Variants in GPC6 observed in about 807,000 individuals in gnomAD.
The protein encoded by GPC6 is glypican-6.
Under a neutral mutation model 55.2 loss-of-function variants are expected in GPC6, and 14 were observed. The ratio of observed to expected loss-of-function variants is 0.25; its 90% CI spans 0.17 to 0.40. GPC6 has a LOEUF of 0.40. GPC6 is among the 10% of genes least tolerant of loss of function. The pLI is 1.00. For missense variants in GPC6, 641 were observed against 708.5 expected, an observed-to-expected ratio of 0.90 and a Z score of 1.08; for synonymous variants, 278 against 259.6, an observed-to-expected ratio of 1.07 and a Z score of -0.68.
At chr13:93,968,665 A>G (rs1700645894) in intron 3 of GPC6, among the ~76,000 whole-genome samples, 1 of 152,176 alleles carries the variant, frequency 6.6e-6, no homozygotes, top group African/African-American at 2.4e-5. Context: ...AAAATTTCAA[A>G]TTAAAAACCT....
At position 93,482,639 on chromosome 13, in the gene GPC6, A is replaced by G. The variant is rs569839730; in HGVS notation, c.161-62624A>G. On this transcript the variant is annotated intron_variant, in intron 1 of 8. Transcript: ENST00000377047. ...TTAATGGGTAAGAAATCTCTTGCTC[A>G]GGAATAGAAGGCAAAACCACAGAAA... 5.9e-5 allele frequency among the ~76,000 whole-genome samples: 9 copies of G among 152,282 alleles called. No homozygotes were observed. In the East Asian group the frequency reaches 1.2e-3, roughly 20 times the overall value.
At chr13:93,765,310 T>TAAGCTGTCTGGAAAGCAAAC (rs1361108806) in intron 2 of GPC6, among the ~76,000 whole-genome samples, 1 of 38,418 alleles carries the variant, frequency 2.6e-5, no homozygotes, top group Non-Finnish European at 5.4e-5. Flanking sequence ...AGACAACTTA[T>TAAGCTGTCTGGAAAGCAAAC]TTGGTTTAAG....
intron 1 of GPC6, among the ~76,000 whole-genome samples, chr13:93,532,771 G>A (rs576253142): frequency 6.6e-6 from 1 of 152,246 alleles, no homozygotes; most frequent in South Asian, 2.1e-4. Context: ...GAACTAAGAA[G>A]TTTCTTCTGT....
intron 2 of GPC6, among the ~76,000 whole-genome samples, chr13:93,728,798 C>T (rs1238905836): frequency 6.6e-6 from 1 of 152,052 alleles, no homozygotes; most frequent in Non-Finnish European, 1.5e-5. Context: ...AACTCCTGAC[C>T]TCAGGTGTAT....
chr13:93,223,178 A>C (rs1875667124), upstream of GPC6, among the ~76,000 whole-genome samples: 1 of 151,994 alleles, frequency 6.6e-6, no homozygotes, highest in Non-Finnish European at 1.5e-5. Context: ...AGAAGCAAAA[A>C]AGAAAGGGCG....
chr13:93,727,341 G>A (rs994224744), intron 2 of GPC6, among the ~76,000 whole-genome samples: 1 of 152,110 alleles, frequency 6.6e-6, no homozygotes, highest in Non-Finnish European at 1.5e-5. Flanking sequence ...CTTTCTGTCT[G>A]TAATTCTTCT....
intron 1 of GPC6, among the ~76,000 whole-genome samples, chr13:93,462,651 A>G (rs1036624578): frequency 3.9e-5 from 6 of 151,956 alleles, no homozygotes; most frequent in Non-Finnish European, 5.9e-5. Context: ...AAAAAAAACA[A>G]CTAAGGAATA....
chr13:93,459,310 C>T lies in GPC6; in HGVS notation c.161-85953C>T, dbSNP rs148891133. On this transcript the variant is annotated intron_variant, in intron 1 of 8. Transcript: ENST00000377047. ...CAAACTCCTGGCTTCAAACAGTCCTCCCACCTTGACTTCCCAAAGTTCTGG... is the reference window on the plus strand; with the variant it reads ...CAAACTCCTGGCTTCAAACAGTCCTTCCACCTTGACTTCCCAAAGTTCTGG... Among the ~76,000 whole-genome samples, 118 of 152,348 alleles carry T rather than the reference C, an allele frequency of 7.7e-4. No homozygotes were observed. The East Asian group carries it at 0.014, about 18-fold the overall frequency.
At chr13:94,212,319 C>A (rs1890103923) in intron 4 of GPC6, among the ~76,000 whole-genome samples, 1 of 152,116 alleles carries the variant, frequency 6.6e-6, no homozygotes, top group Admixed American at 6.6e-5. Context: ...AACCCCTAGC[C>A]AAGAGTACTT....
In GPC6 at chr13:93,319,878, A is replaced by G. The variant is rs147642757; in HGVS notation, c.160+92262A>G. Among the ~76,000 whole-genome samples the G allele has an allele frequency of 1.1e-4, 17 of 152,242 alleles. No homozygotes were observed. In the East Asian group the frequency reaches 3.1e-3, roughly 28 times the overall value. On this transcript the variant is annotated intron_variant, in intron 1 of 8. Transcript: ENST00000377047. ...CAACATATGAAGGATTAAGAATCCA[A>G]GTGACATAGGATATACATGGAGCAT...
At chr13:94,352,518 A>T (rs929315870) in intron 6 of GPC6, among the ~76,000 whole-genome samples, 22 of 152,142 alleles carry the variant, frequency 1.4e-4, no homozygotes, top group Admixed American at 1.4e-3. Flanking sequence ...GGGCTTCCTC[A>T]CTGTGAGGTT....
chr13:93,444,643 T>C (rs1262667931), intron 1 of GPC6, among the ~76,000 whole-genome samples: 1 of 152,274 alleles, frequency 6.6e-6, no homozygotes, highest in East Asian at 1.9e-4. Context: ...AAACATGCCA[T>C]GCATGTAAAG....
intron 1 of GPC6, among the ~76,000 whole-genome samples, chr13:93,262,740 C>A (rs1877193024): frequency 6.6e-6 from 1 of 152,066 alleles, no homozygotes; most frequent in African/African-American, 2.4e-5. Flanking sequence ...CATTTTATTC[C>A]ACTGTACAAA....
At chr13:94,180,298 C>T (rs1566508728) in intron 4 of GPC6, among the ~76,000 whole-genome samples, 2 of 152,194 alleles carry the variant, frequency 1.3e-5, no homozygotes, top group Admixed American at 6.5e-5. Flanking sequence ...CTCCTTAAGA[C>T]ATACGTTCTT....
At chr13:93,471,519 T>TA (rs1879115173) in intron 1 of GPC6, among the ~76,000 whole-genome samples, 1 of 152,082 alleles carries the variant, frequency 6.6e-6, no homozygotes, top group Non-Finnish European at 1.5e-5. Flanking sequence ...AGACTCCATC[T>TA]CAAAAGAAAA....
At chr13:93,430,295 G>T (rs1434837075) in intron 1 of GPC6, among the ~76,000 whole-genome samples, 1 of 151,676 alleles carries the variant, frequency 6.6e-6, no homozygotes, top group East Asian at 1.9e-4. Context: ...TAAGAATAGA[G>T]AGAGTTCCTT....
At chr13:94,388,459 G>A (rs1428308163) in intron 7 of GPC6, among the ~76,000 whole-genome samples, 1 of 152,202 alleles carries the variant, frequency 6.6e-6, no homozygotes, top group Non-Finnish European at 1.5e-5. Flanking sequence ...AGAATTTTAA[G>A]TTAGAAATAC....
At position 94,385,417 on chromosome 13, in the gene GPC6, AG is replaced by A. The variant is rs1233618470; in HGVS notation, c.1289+2868del. ...GGAAAAAGATTTAAATTTCATCCTG[AG>A]ATCAATGGGAAGCCATTGGAAGATT... On this transcript the variant is annotated intron_variant, in intron 7 of 8. Coordinates refer to ENST00000377047, the MANE Select transcript of GPC6 (RefSeq NM_005708.5). Among the ~76,000 whole-genome samples the A allele has an allele frequency of 8.5e-5, 13 of 152,356 alleles. No individual in the cohort carries two copies. The South Asian group carries it at 1.4e-3, about 17-fold the overall frequency.
At chr13:93,947,275 C>G (rs1879051039) in intron 3 of GPC6, among the ~76,000 whole-genome samples, 2 of 152,116 alleles carry the variant, frequency 1.3e-5, no homozygotes, top group African/African-American at 2.4e-5. Flanking sequence ...GTGGCACATT[C>G]TTCCAAACTA....
Sources: gnomAD v4.1 joint callset for allele counts (sites outside exome capture counted in the v4.1 genomes callset) on GRCh38, gnomAD v4.1.1 for gene constraint, MANE v1.5 for transcripts, NCBI Gene and HGNC (gene_info 2026-07-23, HGNC 2026-07-21) for gene names.